The following MNAT1 variants were observed in gnomAD, a reference collection of about 807,000 sequenced individuals.
The protein encoded by MNAT1 is MNAT1 component of CDK activating kinase.
Under a neutral mutation model 42.0 loss-of-function variants are expected in MNAT1, and 43 were observed. That is an observed-to-expected ratio of 1.02 (90% CI 0.80 to 1.32). MNAT1 has a LOEUF of 1.32. MNAT1 is among the 40% of genes most tolerant of loss of function. MNAT1 has a pLI of 0.00. For synonymous variants in MNAT1, 118 were observed against 120.0 expected (o/e 0.98, Z 0.11); for missense variants, 306 against 350.4 (o/e 0.87, Z 1.01).
At chr14:60,933,905 T>TA (rs1234857686) in intron 7 of MNAT1, among the ~76,000 whole-genome samples, 3 of 152,146 alleles carry the variant, frequency 2.0e-5, no homozygotes, top group Non-Finnish European at 4.4e-5. Context: ...TATGTTAACC[T>TA]AAAAAAAGAC....
At chr14:60,936,703 T>C (rs1217944639) in intron 7 of MNAT1, among the ~76,000 whole-genome samples, 2 of 152,198 alleles carry the variant, frequency 1.3e-5, no homozygotes, top group Non-Finnish European at 2.9e-5. Context: ...CATGTGCCTT[T>C]ATAGCAGCAT....
intron 1 of MNAT1, among the ~76,000 whole-genome samples, chr14:60,760,388 C>T (rs1007919080): frequency 4.6e-5 from 7 of 152,022 alleles, no homozygotes; most frequent in Non-Finnish European, 8.8e-5. Flanking sequence ...TGCCTTTCCC[C>T]CACCACACTT....
At chr14:60,813,229 G>C (rs897842245) in intron 5 of MNAT1, among the ~76,000 whole-genome samples, 1 of 152,194 alleles carries the variant, frequency 6.6e-6, no homozygotes, top group African/African-American at 2.4e-5. Flanking sequence ...TCCTGCACTT[G>C]CTTGCTTGTG....
At chr14:60,871,742 C>T (rs2034328189) in intron 6 of MNAT1, among the ~76,000 whole-genome samples, 1 of 152,160 alleles carries the variant, frequency 6.6e-6, no homozygotes, top group South Asian at 2.1e-4. Flanking sequence ...CCTGCCTCAG[C>T]CTCCCGAGTA....
At chr14:60,784,307 A>G (rs2031571463) in intron 1 of MNAT1, among the ~76,000 whole-genome samples, 1 of 148,468 alleles carries the variant, frequency 6.7e-6, no homozygotes, top group Non-Finnish European at 1.5e-5. Context: ...TACAGGCATG[A>G]GCCACTGCGC....
At chr14:60,899,253 A>G (rs1393323049) in intron 7 of MNAT1, among the ~76,000 whole-genome samples, 3 of 152,196 alleles carry the variant, frequency 2.0e-5, no homozygotes, top group Non-Finnish European at 4.4e-5. Flanking sequence ...CATAACTGGC[A>G]TAAGTTCTGT....
intron 6 of MNAT1, among the ~76,000 whole-genome samples, chr14:60,858,873 G>T (rs2034027327): frequency 6.6e-6 from 1 of 152,168 alleles, no homozygotes; most frequent in Non-Finnish European, 1.5e-5. Flanking sequence ...TAATGCTATT[G>T]CACACTTACT....
chr14:60,906,295 G>A (rs2035197129), intron 7 of MNAT1, among the ~76,000 whole-genome samples: 1 of 152,156 alleles, frequency 6.6e-6, no homozygotes, highest in Admixed American at 6.5e-5. Flanking sequence ...ATAGACCATG[G>A]TCAAGACTTG....
intron 7 of MNAT1, among the ~76,000 whole-genome samples, chr14:60,936,617 G>A (rs1346376460): frequency 6.6e-6 from 1 of 152,002 alleles, no homozygotes; most frequent in Non-Finnish European, 1.5e-5. Context: ...TCTTAATCCA[G>A]TCTATCATTG....
At chr14:60,772,551 G>T (rs2031097533) in intron 1 of MNAT1, among the ~76,000 whole-genome samples, 1 of 150,436 alleles carries the variant, frequency 6.6e-6, no homozygotes, top group African/African-American at 2.4e-5. Context: ...GCCAAGATTT[G>T]TGCCATTGCA....
At chr14:60,830,809 T>G (rs571547392) in intron 6 of MNAT1, among the ~76,000 whole-genome samples, 1 of 152,236 alleles carries the variant, frequency 6.6e-6, no homozygotes, top group East Asian at 1.9e-4. Context: ...TTTTTTTTTT[T>G]TTAAATCACA....
At chr14:60,948,791 G>GA (rs765004914) in intron 7 of MNAT1, among the ~76,000 whole-genome samples, 257 of 152,228 alleles carry the variant, frequency 1.7e-3, no homozygotes, top group Admixed American at 3.1e-3. Context: ...TTGAATAGTT[G>GA]AATTCTTTTC....
chr14:60,855,574 G>T (rs1258310513), intron 6 of MNAT1, among the ~76,000 whole-genome samples: 2 of 152,156 alleles, frequency 1.3e-5, no homozygotes, highest in East Asian at 3.9e-4. Flanking sequence ...CCAGCTCCTT[G>T]CACTTCCTGG....
At chr14:60,958,456 A>G (rs536992149) in intron 7 of MNAT1, among the ~76,000 whole-genome samples, 1 of 151,808 alleles carries the variant, frequency 6.6e-6, no homozygotes, top group African/African-American at 2.4e-5. Flanking sequence ...TCTGTCTTTG[A>G]TTTTTGAAAA....
chr14:60,908,994 G>A (rs1222413178), intron 7 of MNAT1, among the ~76,000 whole-genome samples: 1 of 152,084 alleles, frequency 6.6e-6, no homozygotes, highest in Non-Finnish European at 1.5e-5. Flanking sequence ...GTTGTTTCCT[G>A]ACTTTTTAAT....
chr14:60,926,178 T>C (rs2035759710), intron 7 of MNAT1, among the ~76,000 whole-genome samples: 2 of 152,236 alleles, frequency 1.3e-5, no homozygotes, highest in African/African-American at 4.8e-5. Context: ...TTGAAAGAGA[T>C]ATGAAAAAAA....
At chr14:60,834,937 C>CTTCCTTCCTTCCTTCCTTCT (rs1488020775) in intron 6 of MNAT1, among the ~76,000 whole-genome samples, 23 of 132,348 alleles carry the variant, frequency 1.7e-4, no homozygotes, top group African/African-American at 6.7e-4. Flanking sequence ...TCCTTCCTTC[C>CTTCCTTCCTTCCTTCCTTCT]TTCCTTCCTT....
chr14:60,892,367 T>TA (rs2034864634), intron 7 of MNAT1, among the ~76,000 whole-genome samples: 1 of 152,186 alleles, frequency 6.6e-6, no homozygotes, highest in African/African-American at 2.4e-5. Flanking sequence ...TATGAACACT[T>TA]AAAGTTGAAA....
At chr14:60,880,485 G>T (rs549205750) in intron 7 of MNAT1, among the ~76,000 whole-genome samples, 11 of 152,122 alleles carry the variant, frequency 7.2e-5, no homozygotes, top group African/African-American at 2.2e-4. Context: ...TTTAAAATGT[G>T]AACTATTGAA....
Sources: gnomAD v4.1 joint callset for allele counts (sites outside exome capture counted in the v4.1 genomes callset) on GRCh38, gnomAD v4.1.1 for gene constraint, MANE v1.5 for transcripts, NCBI Gene and HGNC (gene_info 2026-07-23, HGNC 2026-07-21) for gene names.